SEMA4D: variants seen among roughly 807,000 people sequenced by gnomAD.
SEMA4D encodes the protein semaphorin 4D, also known as semaphorin-4D.
A neutral mutation model predicts 74.8 loss-of-function variants in SEMA4D; 22 were observed. The observed-to-expected ratio is 0.29, with a 90% CI of 0.21 to 0.42. The LOEUF is 0.42. Among genes scored for constraint, SEMA4D ranks in the 10% least tolerant of loss-of-function variants. The pLI is 1.00. For missense variants in SEMA4D, 937 were observed against 1,118.4 expected (o/e 0.84, Z 2.31); for synonymous variants, 445 against 463.7 (o/e 0.96, Z 0.52).
At chr9:89,386,623 T>A (rs555101796) in intron 12 of SEMA4D, 141 bp from the exon 13 acceptor site, 27 of 591,820 alleles carry the variant, frequency 4.6e-5, no homozygotes, top group African/African-American at 3.2e-4. Context: ...GATTTCGCAT[T>A]AGAAACAAAA....
intron 2 of SEMA4D, among the ~76,000 whole-genome samples, chr9:89,452,640 TG>T (rs1216991812): frequency 2.0e-5 from 3 of 152,038 alleles, no homozygotes; most frequent in African/African-American, 7.2e-5. Flanking sequence ...TGAGTAGAGA[TG>T]GGGGTTTCAC....
chr9:89,453,550 G>A (rs1855153719), intron 2 of SEMA4D, among the ~76,000 whole-genome samples: 1 of 152,226 alleles, frequency 6.6e-6, no homozygotes, highest in African/African-American at 2.4e-5. Context: ...TTCCAGCCAC[G>A]TCCAACAGGC....
At chr9:89,473,635 T>A (rs112602234) in intron 1 of SEMA4D, among the ~76,000 whole-genome samples, 1,648 of 152,146 alleles carry the variant, frequency 0.011, 31 homozygotes, top group African/African-American at 0.036. Context: ...GGCAGGTGGA[T>A]CACCTGAGGT....
chr9:89,379,228 C>T lies in SEMA4D; in HGVS notation c.2065G>A (p.Ala689Thr), dbSNP rs1229346087. 6.2e-7 allele frequency: 1 copy of T among 1,613,906 alleles called. No individual in the cohort carries two copies. Among genetic ancestry groups the T allele is most frequent in the Non-Finnish European group, 8.5e-7 (1 of 1,179,912 alleles). Reference protein sequence around the residue: ...GSSPPTPAVQATSSGAITLPP... With the variant: ...GSSPPTPAVQTTSSGAITLPP... ...AGGGTGATGGCCCCGGAGGAGGTGGCCTGCACGGCTGGGGTTGGGGGAGAA... is the reference window on the plus strand; with the variant it reads ...AGGGTGATGGCCCCGGAGGAGGTGGTCTGCACGGCTGGGGTTGGGGGAGAA... Residue 689 changes from alanine to threonine, a missense_variant, in exon 16 of 16, where the codon GCC (alanine) becomes ACC (threonine). By Grantham distance (58) the Ala-to-Thr change is moderately conservative (BLOSUM62 0). Coordinates refer to ENST00000422704, the MANE Select transcript of SEMA4D (RefSeq NM_001371194.2).
chr9:89,372,094 T>G (rs1395702482), intron 16 of SEMA4D, among the ~76,000 whole-genome samples: 1 of 37,876 alleles, frequency 2.6e-5, no homozygotes, highest in Non-Finnish European at 4.6e-5. Flanking sequence ...GGTGTGTGTG[T>G]GGGGGGTGTG....
chr9:89,468,755 C>T (rs374304752), intron 1 of SEMA4D, among the ~76,000 whole-genome samples: 5 of 152,150 alleles, frequency 3.3e-5, no homozygotes, highest in Non-Finnish European at 5.9e-5. Flanking sequence ...CAGATTCTCC[C>T]GGTGTGTAAT....
At chr9:89,427,765 G>T (rs1848409232) in intron 2 of SEMA4D, among the ~76,000 whole-genome samples, 1 of 152,206 alleles carries the variant, frequency 6.6e-6, no homozygotes, top group African/African-American at 2.4e-5. Context: ...GCATGTGGGG[G>T]TTCTCATTTT....
chr9:89,477,665 G>C (rs1352464796), intron 1 of SEMA4D, among the ~76,000 whole-genome samples: 1 of 152,226 alleles, frequency 6.6e-6, no homozygotes, highest in Non-Finnish European at 1.5e-5. Flanking sequence ...ATGCACGCAT[G>C]TGTGTGCATC....
rs1043389905 is a variant in SEMA4D at position 89,424,753 on chromosome 9, C to A, written c.-243-19054G>T. The stretch of plus-strand genomic sequence containing the variant: ...TCATACCACCATCCCTCCTGTGAGG[C>A]CTCCACCTGGCTCCCGCTACCTGTA... On this transcript the variant is annotated intron_variant, in intron 2 of 15. Transcript: ENST00000422704. Among the ~76,000 whole-genome samples, 3 of 152,064 alleles carry A rather than the reference C, an allele frequency of 2.0e-5. No homozygotes were observed. In the East Asian group the frequency reaches 5.8e-4, roughly 29 times the overall value.
In SEMA4D at chr9:89,396,838, G is replaced by A; in HGVS notation, c.316-3C>T. The stretch of plus-strand genomic sequence containing the variant: ...CGGATGTAGTTGAGGCACTCTGTCT[G>A]CAGGGAAGAGAAATGCACCATTAGC... On this transcript the variant is annotated splice_polypyrimidine_tract_variant and splice_region_variant and intron_variant, in intron 5 of 15. Coordinates refer to ENST00000422704, the MANE Select transcript of SEMA4D (RefSeq NM_001371194.2). 1.2e-6 allele frequency: 2 copies of A among 1,612,304 alleles called. No individual in the cohort carries two copies. The highest frequency in any genetic ancestry group is 1.7e-6 in the Non-Finnish European group (2 of 1,179,036).
exon 19 of SEMA4D, chr9:89,361,315 C>T (rs984913123): frequency 1.3e-5 from 2 of 152,218 alleles, no homozygotes; most frequent in African/African-American, 4.8e-5. Flanking sequence ...ATTTGTCCAG[C>T]TCCAGAAAGA....
intron 2 of SEMA4D, among the ~76,000 whole-genome samples, chr9:89,442,142 C>CAG (rs879799895): frequency 0.073 from 11,082 of 152,112 alleles, 605 homozygotes; most frequent in East Asian, 0.29. Context: ...TCCCTTTTCC[C>CAG]CTGGCCCAGG....
At chr9:89,491,622 A>G (rs1825636277) in intron 1 of SEMA4D, among the ~76,000 whole-genome samples, 1 of 152,114 alleles carries the variant, frequency 6.6e-6, no homozygotes, top group Non-Finnish European at 1.5e-5. Context: ...GTCCCACCCC[A>G]CAGTTCCAGA....
At chr9:89,450,204 G>A in intron 2 of SEMA4D, 1 of 1,285,804 alleles carries the variant, frequency 7.8e-7, no homozygotes, top group Admixed American at 1.7e-5. Context: ...CCATGAAAAA[G>A]CTGAATTTGA....
At chr9:89,446,977 TC>T (rs1853051124) in intron 2 of SEMA4D, among the ~76,000 whole-genome samples, 1 of 152,060 alleles carries the variant, frequency 6.6e-6, no homozygotes, top group Non-Finnish European at 1.5e-5. Context: ...CCAGATGCCT[TC>T]CCTTCCAAAT....
chr9:89,480,991 ACATAC>A (rs1471848032), intron 1 of SEMA4D, among the ~76,000 whole-genome samples: 1 of 152,226 alleles, frequency 6.6e-6, no homozygotes, highest in African/African-American at 2.4e-5. Context: ...CACTATCAGT[ACATAC>A]ACACATCCTT....
At chr9:89,380,061 C>T (rs564919425) in intron 15 of SEMA4D, among the ~76,000 whole-genome samples, 1 of 152,270 alleles carries the variant, frequency 6.6e-6, no homozygotes, top group South Asian at 2.1e-4. Context: ...GAAACAGGGT[C>T]TGGCTCTGTT....
At chr9:89,449,427 A>G in intron 2 of SEMA4D, 1 of 573,094 alleles carries the variant, frequency 1.7e-6, no homozygotes, top group Admixed American at 2.9e-5. Flanking sequence ...GTCACGCTAA[A>G]AGACTAAGTT....
chr9:89,363,474 C>T lies in SEMA4D; in HGVS notation c.2146G>A (p.Ala716Thr), dbSNP rs779970652. 27 of 1,613,976 alleles carry T rather than the reference C, an allele frequency of 1.7e-5. No homozygotes were observed. The South Asian group carries it at 2.9e-4, about 17-fold the overall frequency. Residue 716 changes from alanine (A) to threonine (T), a missense_variant, in exon 18 of 19, where the codon GCT (alanine) becomes ACT (threonine). Coordinates refer to the SEMA4D transcript ENST00000339861. ...TGCATCATCCGGTCGTGCTCCCCAG[C>T]CACAGCCCTCCAGGCAGAGAGCTCT... is the stretch of plus-strand genomic sequence containing the variant.
Sources: gnomAD v4.1 joint callset for allele counts (sites outside exome capture counted in the v4.1 genomes callset) on GRCh38, gnomAD v4.1.1 for gene constraint, MANE v1.5 for transcripts, NCBI Gene and HGNC (gene_info 2026-07-23, HGNC 2026-07-21) for gene names.